Variants in OSBPL5 observed in about 807,000 individuals in gnomAD.
OSBPL5 encodes the protein oxysterol binding protein like 5, also known as oxysterol-binding protein-related protein 5.
A neutral mutation model predicts 111.2 loss-of-function variants in OSBPL5; 71 were observed. The ratio of observed to expected loss-of-function variants is 0.64; its 90% CI spans 0.53 to 0.78. The LOEUF (loss-of-function observed/expected upper bound fraction) is 0.78, where lower values mean the gene tolerates loss of function less well. Among genes scored for constraint, OSBPL5 ranks in the 30% least tolerant of loss-of-function variants. The probability of loss-of-function intolerance (pLI) is 0.00; values close to 1 mark genes in which losing one functional copy is unlikely to be tolerated. For synonymous variants in OSBPL5, 549 were observed against 513.9 expected, an observed-to-expected ratio of 1.07 and a Z score of -0.93; for missense variants, 1,210 against 1,189.3, an observed-to-expected ratio of 1.02 and a Z score of -0.26.
At chr11:3,127,415 G>A (rs60375535) in intron 2 of OSBPL5, among the ~76,000 whole-genome samples, 3,056 of 152,354 alleles carry the variant, frequency 0.02, 113 homozygotes, top group African/African-American at 0.07. Flanking sequence ...TTCCCTGACA[G>A]CCCTGGGCAG....
At chr11:3,122,225 T>G (rs1590682328) in intron 4 of OSBPL5, 123 bp downstream of exon 4, 1 of 1,307,606 alleles carries the variant, frequency 7.6e-7, no homozygotes, top group Non-Finnish European at 1.1e-6. Context: ...AAGTAGGGGG[T>G]GTGGAGGCGA....
At chr11:3,160,619 C>T (rs1315493143) in intron 1 of OSBPL5, among the ~76,000 whole-genome samples, 1 of 152,082 alleles carries the variant, frequency 6.6e-6, no homozygotes, top group Non-Finnish European at 1.5e-5. Flanking sequence ...TCCGCCCCAA[C>T]ACCACGCCTT....
Position 3,104,079 on chromosome 11 carries a change from C to G in OSBPL5, c.1244+114G>C. 1.6e-6 allele frequency: 2 copies of G among 1,268,356 alleles called. No individual in the cohort carries two copies. Among genetic ancestry groups the G allele is most frequent in the Non-Finnish European group, 2.2e-6 (2 of 926,934 alleles). The allele number at this position is 1,268,356 out of a possible 1,614,324, so 78.6% of individuals were successfully genotyped here. On this transcript the variant is annotated intron_variant, in intron 10 of 21. Transcript: ENST00000263650. The surrounding 1 kb of genome is among the most constrained non-coding windows in gnomAD (Gnocchi z 5.0). ...AGCTGCAGAAACAGTGGGCTGAGATCAGCCATGGGATTCTCTGGAAGCCCC... is the reference window on the plus strand; with the variant it reads ...AGCTGCAGAAACAGTGGGCTGAGATGAGCCATGGGATTCTCTGGAAGCCCC...
At chr11:3,143,397 C>T (rs894065397) in intron 1 of OSBPL5, among the ~76,000 whole-genome samples, 1 of 152,202 alleles carries the variant, frequency 6.6e-6, no homozygotes, top group African/African-American at 2.4e-5. Context: ...AGGTGGTCCG[C>T]GCACGCACGC....
At chr11:3,096,944 GA>G (rs1857275538) in intron 14 of OSBPL5, among the ~76,000 whole-genome samples, 2 of 150,144 alleles carry the variant, frequency 1.3e-5, no homozygotes, top group East Asian at 2.0e-4. Context: ...AGGAAAGAGG[GA>G]GGAGATGGGA....
intron 1 of OSBPL5, among the ~76,000 whole-genome samples, chr11:3,150,227 C>T (rs1008217694): frequency 1.3e-5 from 2 of 152,192 alleles, no homozygotes; most frequent in Admixed American, 1.3e-4. Flanking sequence ...AGGCAAGTTG[C>T]CCTCGGGAGC....
chr11:3,139,956 C>A (rs879317797), intron 1 of OSBPL5, among the ~76,000 whole-genome samples: 6 of 152,230 alleles, frequency 3.9e-5, no homozygotes, highest in Non-Finnish European at 8.8e-5. Flanking sequence ...CTCTTCCCTG[C>A]AGCTCCTGGC....
chr11:3,125,923 A>G (rs968699214), intron 3 of OSBPL5, among the ~76,000 whole-genome samples: 1 of 152,186 alleles, frequency 6.6e-6, no homozygotes, highest in Admixed American at 6.5e-5. Flanking sequence ...CGGAGCTTGC[A>G]GTGAGCTGAG....
chr11:3,153,841 A>G (rs1201630432), intron 1 of OSBPL5, among the ~76,000 whole-genome samples: 3 of 152,268 alleles, frequency 2.0e-5, no homozygotes, highest in South Asian at 4.1e-4. Context: ...ATGGCTGCTC[A>G]GGAGAAGCCT....
intron 14 of OSBPL5, among the ~76,000 whole-genome samples, chr11:3,099,794 C>T (rs566605143): frequency 5.3e-5 from 8 of 152,020 alleles, no homozygotes; most frequent in African/African-American, 1.9e-4. Context: ...CGAGGCTGGG[C>T]GCGGTGGCTC....
chr11:3,129,240 G>T, intron 1 of OSBPL5, 71 bp from the exon 2 acceptor site: 3 of 1,317,566 alleles, frequency 2.3e-6, no homozygotes, highest in South Asian at 3.8e-5. Flanking sequence ...CATGGTGGGG[G>T]TGCCCCTGGC....
intron 7 of OSBPL5, among the ~76,000 whole-genome samples, chr11:3,114,617 T>TTTTA (rs1370505836): frequency 2.0e-5 from 3 of 148,080 alleles, no homozygotes; most frequent in Non-Finnish European, 3.0e-5. Flanking sequence ...TTTTTTTTTT[T>TTTTA]AGACAGAGTC....
intron 7 of OSBPL5, among the ~76,000 whole-genome samples, chr11:3,111,518 T>G (rs936093916): frequency 6.6e-6 from 1 of 152,232 alleles, no homozygotes; most frequent in African/African-American, 2.4e-5. Context: ...ACGTAAGTTG[T>G]GCGATTGTTT....
At chr11:3,093,204 G>T in intron 17 of OSBPL5, 152 bp from the exon 18 acceptor site, 1 of 914,600 alleles carries the variant, frequency 1.1e-6, no homozygotes, top group Non-Finnish European at 1.6e-6. Context: ...TTTGAAGAGA[G>T]CTTTTCTTTT....
chr11:3,111,403 A>G (rs1363022265), intron 7 of OSBPL5, among the ~76,000 whole-genome samples: 1 of 151,740 alleles, frequency 6.6e-6, no homozygotes, highest in Non-Finnish European at 1.5e-5. Context: ...TCAGCCTGAG[A>G]CCCATCCCTA....
chr11:3,094,603 G>C (rs972338180), intron 14 of OSBPL5: 2 of 457,728 alleles, frequency 4.4e-6, no homozygotes, highest in Admixed American at 3.7e-5. Context: ...TCCCTCAGGG[G>C]CCGTCTCCCC....
intron 14 of OSBPL5, among the ~76,000 whole-genome samples, chr11:3,097,716 C>T (rs1362604921): frequency 1.3e-5 from 2 of 152,118 alleles, no homozygotes; most frequent in African/African-American, 4.8e-5. Flanking sequence ...TTACAATGCT[C>T]AAAGATTTAT....
rs1590632173 is a variant in OSBPL5 at position 3,093,547 on chromosome 11, C to T, written c.1926G>A (p.Gln642=). 1 of 1,610,524 alleles carries T rather than the reference C, an allele frequency of 6.2e-7. No individual in the cohort carries two copies. Among genetic ancestry groups the T allele is most frequent in the African/African-American group, 1.3e-5 (1 of 74,948 alleles). Reference sequence around the variant, plus strand: ...CTCACCTCTCGGACTCCAGCTCCGTCTGCTCCTCCAGCGGCACCGTGTGCT... The same window carrying T: ...CTCACCTCTCGGACTCCAGCTCCGTTTGCTCCTCCAGCGGCACCGTGTGCT... ...LRQHTVPLEE[Q]TELESERLWQ... The change falls in exon 17 of 22, where the codon CAG becomes CAA. Residue 642 remains glutamine, a synonymous_variant. Coordinates refer to ENST00000263650, the MANE Select transcript of OSBPL5 (RefSeq NM_020896.4).
chr11:3,102,575 C>T (rs137960143), intron 11 of OSBPL5, among the ~76,000 whole-genome samples: 2,039 of 152,294 alleles, frequency 0.013, 14 homozygotes, highest in Middle Eastern at 0.041. Flanking sequence ...TGGGTGTAAC[C>T]TGCACACAGC....
Sources: gnomAD v4.1 joint callset for allele counts (sites outside exome capture counted in the v4.1 genomes callset) on GRCh38, gnomAD v4.1.1 for gene constraint, Gnocchi (gnomAD v3.1) non-coding constraint, MANE v1.5 for transcripts, NCBI Gene and HGNC (gene_info 2026-07-23, HGNC 2026-07-21) for gene names.